The following VPS8 variants were observed in gnomAD, a reference collection of about 807,000 sequenced individuals.
The protein encoded by VPS8 is VPS8 subunit of CORVET complex.
Under a neutral mutation model 216.4 loss-of-function variants are expected in VPS8, and 129 were observed. That is an observed-to-expected ratio of 0.60 (90% confidence interval 0.52 to 0.69). The LOEUF (loss-of-function observed/expected upper bound fraction) is 0.69, where lower values mean the gene tolerates loss of function less well. VPS8 is among the 30% of genes least tolerant of loss of function. The pLI, the probability that VPS8 is intolerant of heterozygous loss-of-function variation, is 0.00. For synonymous variants in VPS8, 571 were observed against 565.4 expected (o/e 1.01, Z -0.14); for missense variants, 1,531 against 1,683.5 (o/e 0.91, Z 1.59).
At chr3:184,927,992 AC>A (rs1208598420) in intron 31 of VPS8, among the ~76,000 whole-genome samples, 3 of 152,156 alleles carry the variant, frequency 2.0e-5, no homozygotes, top group Non-Finnish European at 2.9e-5. Context: ...GATTGTTTCC[AC>A]CCTTTGGCTA....
intron 10 of VPS8, among the ~76,000 whole-genome samples, chr3:184,852,293 C>G (rs911307302): frequency 2.6e-5 from 4 of 151,846 alleles, no homozygotes; most frequent in Non-Finnish European, 4.4e-5. Flanking sequence ...TTTTGAAAGC[C>G]TCTGTTTTTT....
Position 184,887,216 on chromosome 3 carries a change from A to G in VPS8, c.1781+1060A>G, listed in dbSNP as rs566632369. ...TAAAAAATTAGTTGGGCATAGTAGC[A>G]TGTGCTTGTGGTCTCAGCTACTCAG... On this transcript the variant is annotated intron_variant, in intron 22 of 47. Coordinates refer to ENST00000625842, the MANE Select transcript of VPS8 (RefSeq NM_001009921.3). 3.9e-4 allele frequency among the ~76,000 whole-genome samples: 59 copies of G among 152,160 alleles called. 1 individual carries two copies. Among genetic ancestry groups the G allele is most frequent in the African/African-American group, 1.3e-3 (55 of 41,530 alleles).
chr3:184,926,475 A>G, intron 30 of VPS8, 119 bp from the exon 31 acceptor site: 1 of 957,012 alleles, frequency 1.0e-6, no homozygotes, highest in Non-Finnish European at 1.6e-6. Context: ...CACCTGTGGT[A>G]TTTGTTATGT....
intron 44 of VPS8, among the ~76,000 whole-genome samples, chr3:184,998,571 G>T (rs1752961614): frequency 1.5e-5 from 2 of 137,514 alleles, no homozygotes; most frequent in Non-Finnish European, 1.6e-5. Flanking sequence ...GAAGAAAAAA[G>T]AAAAAGAGTA....
intron 45 of VPS8, among the ~76,000 whole-genome samples, chr3:185,004,298 C>T: frequency 6.6e-6 from 1 of 152,234 alleles, no homozygotes; most frequent in Non-Finnish European, 1.5e-5. Context: ...GCCAACACAG[C>T]AAAACCCCGT....
chr3:184,882,452 A>C (rs1027608614), intron 21 of VPS8: 1 of 437,938 alleles, frequency 2.3e-6, no homozygotes, highest in Non-Finnish European at 4.6e-6. Context: ...CTTTTTATGT[A>C]ATTGTGAATT....
intron 42 of VPS8, among the ~76,000 whole-genome samples, chr3:184,990,411 A>C (rs1751735624): frequency 6.6e-6 from 1 of 152,202 alleles, no homozygotes; most frequent in Admixed American, 6.5e-5. Flanking sequence ...TGTTACCTAC[A>C]ACACCCAGTG....
intron 13 of VPS8, 133 bp downstream of exon 13, chr3:184,854,306 C>T (rs1322927386): frequency 1.0e-6 from 1 of 998,896 alleles, no homozygotes. Context: ...CTCCAGAGAT[C>T]GTTGGCTGGA....
intron 29 of VPS8, among the ~76,000 whole-genome samples, chr3:184,922,846 A>C (rs1015407881): frequency 1.4e-4 from 22 of 152,216 alleles, no homozygotes; most frequent in Admixed American, 3.9e-4. Context: ...AAAATTTGTA[A>C]GCATGGTCTC....
chr3:184,947,231 C>T (rs995960585), intron 36 of VPS8, among the ~76,000 whole-genome samples: 1 of 152,132 alleles, frequency 6.6e-6, no homozygotes, highest in African/African-American at 2.4e-5. Context: ...CAGAGAGTTC[C>T]CCCACATTTT....
chr3:184,832,812 T>G lies in VPS8; in HGVS notation c.346T>G (p.Leu116Val). Reference protein sequence around the residue: ...ASSDSGDRTNLKRKKKLPDSF... With the variant: ...ASSDSGDRTNVKRKKKLPDSF... ...CTCAGATAGTGGTGACAGGACCAAC[T>G]TAAAAAGGTAGGTATTCATGTCAAT... The change falls in exon 4 of 48, where the codon TTA becomes GTA. Residue 116 changes from leucine to valine, a missense_variant. Physicochemically the swap from Leu to Val is conservative, Grantham distance 32. This residue lies in a region of VPS8 where 199 missense variants were observed against 182.2 expected (regional missense o/e 1.09). Coordinates refer to ENST00000625842, the MANE Select transcript of VPS8 (RefSeq NM_001009921.3). 1 of 1,607,660 alleles carries G rather than the reference T, an allele frequency of 6.2e-7. No homozygotes were observed. The highest frequency in any genetic ancestry group is 8.5e-7 in the Non-Finnish European group (1 of 1,176,912).
chr3:184,901,208 C>G lies in VPS8; in HGVS notation c.2146+236C>G, dbSNP rs892955415. 2.7e-5 allele frequency: 12 copies of G among 451,790 alleles called. No individual in the cohort carries two copies. In the South Asian group the frequency reaches 3.1e-4, roughly 12 times the overall value. 28.0% of individuals were successfully genotyped at this position (451,790 alleles called of 1,614,324 possible). A position where few individuals can be genotyped will look rare whatever the true frequency, so the allele number is the denominator to read the frequency against. Reference sequence around the variant, plus strand: ...AGCCCTGCTCTGGGCAGTCACTGATCTACTTTCTGTCACTATACTTCATGT... The same window carrying G: ...AGCCCTGCTCTGGGCAGTCACTGATGTACTTTCTGTCACTATACTTCATGT... On this transcript the variant is annotated intron_variant, in intron 25 of 47. Transcript: ENST00000625842.
chr3:184,940,810 C>T (rs183882744), intron 36 of VPS8, among the ~76,000 whole-genome samples: 1 of 152,306 alleles, frequency 6.6e-6, no homozygotes, highest in East Asian at 1.9e-4. Context: ...GATTTGTAGG[C>T]AAAGCAGTGC....
At chr3:184,908,532 GCT>G (rs1735901654) in intron 25 of VPS8, among the ~76,000 whole-genome samples, 2 of 152,348 alleles carry the variant, frequency 1.3e-5, no homozygotes, top group Admixed American at 1.3e-4. Context: ...GTGCTAATTA[GCT>G]CTTTTAGTTT....
At chr3:184,964,186 A>C (rs899249198) in intron 37 of VPS8, among the ~76,000 whole-genome samples, 6 of 152,082 alleles carry the variant, frequency 3.9e-5, no homozygotes, top group Non-Finnish European at 8.8e-5. Context: ...GTATGTATGT[A>C]TATAAGTTAG....
At chr3:184,836,999 G>GT (rs934946965) in intron 5 of VPS8, among the ~76,000 whole-genome samples, 8 of 151,558 alleles carry the variant, frequency 5.3e-5, no homozygotes, top group South Asian at 2.1e-4. Context: ...TTAGTGTAGT[G>GT]TTTTTTTTCA....
At chr3:185,014,253 C>A (rs1755458708) in intron 45 of VPS8, among the ~76,000 whole-genome samples, 1 of 152,154 alleles carries the variant, frequency 6.6e-6, no homozygotes, top group Non-Finnish European at 1.5e-5. Flanking sequence ...TTTCTTCCAC[C>A]ATCTGTGACA....
intron 21 of VPS8, among the ~76,000 whole-genome samples, chr3:184,877,069 G>A (rs1014920133): frequency 1.3e-5 from 2 of 152,160 alleles, no homozygotes; most frequent in African/African-American, 4.8e-5. Context: ...TCTTTCCAGT[G>A]TCTTAACATC....
At chr3:185,009,828 G>A (rs1754754002) in intron 45 of VPS8, among the ~76,000 whole-genome samples, 1 of 152,030 alleles carries the variant, frequency 6.6e-6, no homozygotes, top group Non-Finnish European at 1.5e-5. Flanking sequence ...ACAGGGCTCA[G>A]AGTCCAGGAA....
Sources: allele counts gnomAD v4.1 joint callset (sites outside exome capture counted in the v4.1 genomes callset), GRCh38; gene constraint gnomAD v4.1.1; regional missense constraint gnomAD v4.1.1; transcripts MANE v1.5; gene names NCBI Gene and HGNC (gene_info 2026-07-23, HGNC 2026-07-21).